RYR3: variants seen among roughly 807,000 people sequenced by gnomAD.
RYR3 encodes ryanodine receptor 3.
A neutral mutation model predicts 584.3 loss-of-function variants in RYR3; 207 were observed. The observed-to-expected ratio is 0.35, with a 90% CI of 0.32 to 0.40. RYR3 has a LOEUF of 0.40. Ranked by LOEUF, RYR3 falls within the 10% of genes least tolerant of loss-of-function variation. RYR3 has a pLI of 1.00. For missense variants in RYR3, 5,616 were observed against 6,089.2 expected, an observed-to-expected ratio of 0.92 and a Z score of 2.59; for synonymous variants, 2,416 against 2,248.5, an observed-to-expected ratio of 1.07 and a Z score of -2.11.
chr15:33,748,090 G>A, intron 53 of RYR3, 24 bp from the exon 54 acceptor site: 1 of 1,612,234 alleles, frequency 6.2e-7, no homozygotes, highest in Non-Finnish European at 8.5e-7. Context: ...TCTGCAAAGT[G>A]CTTCTGCTCA....
chr15:33,570,404 T>G (rs907370761), intron 12 of RYR3, among the ~76,000 whole-genome samples: 2 of 152,184 alleles, frequency 1.3e-5, no homozygotes, highest in Admixed American at 6.5e-5. Flanking sequence ...ATATAAGAGT[T>G]CTTTCTGGAC....
intron 64 of RYR3, among the ~76,000 whole-genome samples, chr15:33,774,058 G>A (rs56368600): frequency 0.18 from 27,398 of 152,166 alleles, 2,686 homozygotes; most frequent in Middle Eastern, 0.25. Context: ...CTTGGCTGTC[G>A]GATTTGCCAT....
chr15:33,337,870 G>C (rs1283379410), intron 1 of RYR3, among the ~76,000 whole-genome samples: 1 of 150,656 alleles, frequency 6.6e-6, no homozygotes, highest in Non-Finnish European at 1.5e-5. Flanking sequence ...AATGGAGAAG[G>C]TGTGTACATT....
At chr15:33,699,886 C>T (rs111406634) in intron 41 of RYR3, 53 bp downstream of exon 41, 2 of 1,579,930 alleles carry the variant, frequency 1.3e-6, no homozygotes, top group African/African-American at 1.3e-5. Flanking sequence ...TTACACTCCC[C>T]CTTTTGACCA....
intron 34 of RYR3, 53 bp from the exon 35 acceptor site, chr15:33,662,100 T>G: frequency 7.0e-7 from 1 of 1,432,510 alleles, no homozygotes; most frequent in Non-Finnish European, 9.4e-7. Flanking sequence ...AATAGCTGGA[T>G]TCTGGTGGGT....
At chr15:33,810,740 G>C (rs2076483149) in intron 71 of RYR3, 91 bp downstream of exon 71, 2 of 1,514,554 alleles carry the variant, frequency 1.3e-6, no homozygotes, top group East Asian at 4.6e-5. Context: ...TCCTCCCCTG[G>C]GGGGCGGGGA....
chr15:33,660,273 A>T lies in RYR3; in HGVS notation c.4472A>T (p.Asp1491Val), dbSNP rs367572646. Reference protein sequence around the residue: ...NPVPQCPPRLDVQTIQPVLWS... With the variant: ...NPVPQCPPRLVVQTIQPVLWS... ...GTCCCACAGTGTCCACCTCGGCTGGACGTCCAAACCATCCAGCCCGTGCTC... is the reference window on the plus strand; with the variant it reads ...GTCCCACAGTGTCCACCTCGGCTGGTCGTCCAAACCATCCAGCCCGTGCTC... Residue 1491 changes from aspartate (D) to valine (V), a missense_variant, in exon 34 of 104, where the codon GAC becomes GTC. This residue lies in a region of RYR3 where 753 missense variants were observed against 741.0 expected (regional missense o/e 1.02). Transcript: ENST00000634891. The T allele has an allele frequency of 6.4e-7, 1 of 1,558,328 alleles. No individual in the cohort carries two copies. The highest frequency in any genetic ancestry group is 1.4e-5 in the African/African-American group (1 of 73,480).
intron 69 of RYR3, chr15:33,802,173 T>C: frequency 1.4e-6 from 1 of 699,354 alleles, no homozygotes; most frequent in Non-Finnish European, 2.7e-6. Flanking sequence ...AATAGCTGCT[T>C]GTATGTCAAA....
intron 48 of RYR3, among the ~76,000 whole-genome samples, chr15:33,733,116 G>T (rs1415867536): frequency 6.6e-6 from 1 of 152,232 alleles, no homozygotes; most frequent in Non-Finnish European, 1.5e-5. Flanking sequence ...CAAGGATGTG[G>T]AACAACAGGA....
chr15:33,780,111 G>A (rs923534402), intron 64 of RYR3, 100 bp from the exon 65 acceptor site: 26 of 1,434,250 alleles, frequency 1.8e-5, no homozygotes, highest in Non-Finnish European at 1.5e-5. Context: ...CTAGTGCCTA[G>A]GGATGTCCAT....
chr15:33,788,791 C>G (rs936030015), intron 67 of RYR3, among the ~76,000 whole-genome samples: 1 of 152,160 alleles, frequency 6.6e-6, no homozygotes, highest in African/African-American at 2.4e-5. Flanking sequence ...CCAATACTGC[C>G]TGACTGTGTG....
intron 1 of RYR3, among the ~76,000 whole-genome samples, chr15:33,348,522 C>T (rs1972765409): frequency 6.6e-6 from 1 of 152,038 alleles, no homozygotes; most frequent in South Asian, 2.1e-4. Context: ...TTTGCCCAGG[C>T]TGGAGTGCAA....
chr15:33,571,981 T>A (rs2058051553), intron 12 of RYR3, among the ~76,000 whole-genome samples: 1 of 152,186 alleles, frequency 6.6e-6, no homozygotes, highest in Admixed American at 6.5e-5. Context: ...ATTCTCTTAG[T>A]GGTTGCTCTA....
intron 18 of RYR3, among the ~76,000 whole-genome samples, chr15:33,611,589 A>C (rs1439790088): frequency 1.3e-5 from 2 of 151,964 alleles, no homozygotes; most frequent in Non-Finnish European, 2.9e-5. Context: ...AACTCCATAA[A>C]ATATATATAA....
chr15:33,588,447 A>G (rs1164978012), intron 16 of RYR3, among the ~76,000 whole-genome samples: 3 of 152,222 alleles, frequency 2.0e-5, no homozygotes, highest in Admixed American at 6.5e-5. Flanking sequence ...CACCCTAGAA[A>G]GCATTTCCTT....
At position 33,623,989 on chromosome 15, in the gene RYR3, C is replaced by T. The variant is rs2152605276; in HGVS notation, c.2540C>T (p.Ala847Val). 1 of 1,613,912 alleles carries T rather than the reference C, an allele frequency of 6.2e-7. No individual in the cohort carries two copies. Among genetic ancestry groups the T allele is most frequent in the Non-Finnish European group, 8.5e-7 (1 of 1,179,826 alleles). The change falls in exon 20 of 104, where the codon GCC becomes GTC. Residue 847 changes from alanine to valine, a missense_variant. By Grantham distance (64) the Ala-to-Val change is moderately conservative (BLOSUM62 0). Around this residue, in one of 9 missense-constraint regions of RYR3, gnomAD observed 1,284 missense variants for 1,344.6 expected, o/e 0.95. Coordinates refer to ENST00000634891, the MANE Select transcript of RYR3 (RefSeq NM_001036.6). ...LLGTTQFLSQ[A>V]SFIPCPVDTS... is the part of the protein sequence containing the mutation. The stretch of plus-strand genomic sequence containing the variant: ...GGTACCACCCAGTTCCTCTCCCAAG[C>T]CTCTTTCATCCCATGCCCCGTAGAC...
chr15:33,714,410 G>T (rs1013462169), intron 43 of RYR3, among the ~76,000 whole-genome samples: 1 of 151,940 alleles, frequency 6.6e-6, no homozygotes, highest in Non-Finnish European at 1.5e-5. Flanking sequence ...CATATAATTT[G>T]CTTCACTTTA....
intron 4 of RYR3, 63 bp downstream of exon 4, chr15:33,530,729 T>C: frequency 1.6e-6 from 2 of 1,223,612 alleles, no homozygotes; most frequent in South Asian, 1.2e-5. Context: ...GAGGGGGAAA[T>C]ACAGGAAGCC....
chr15:33,430,135 A>G (rs1396799644), intron 1 of RYR3, among the ~76,000 whole-genome samples: 1 of 152,240 alleles, frequency 6.6e-6, no homozygotes, highest in African/African-American at 2.4e-5. Flanking sequence ...GTGTTATCCA[A>G]CCAAATTGGG....
Sources: allele counts gnomAD v4.1 joint callset (sites outside exome capture counted in the v4.1 genomes callset), GRCh38; gene constraint gnomAD v4.1.1; regional missense constraint gnomAD v4.1.1; transcripts MANE v1.5; gene names NCBI Gene and HGNC (gene_info 2026-07-23, HGNC 2026-07-21).